Variants in SQOR observed in about 807,000 individuals in gnomAD.
SQOR encodes sulfide quinone oxidoreductase.
A neutral mutation model predicts 48.6 loss-of-function variants in SQOR; 39 were observed. That is an observed-to-expected ratio of 0.80 (90% CI 0.62 to 1.05). The LOEUF (loss-of-function observed/expected upper bound fraction) is 1.05. Ranked by LOEUF, SQOR falls within the 50% of genes least tolerant of loss-of-function variation. The pLI is 0.00. For synonymous variants in SQOR, 220 were observed against 206.2 expected (o/e 1.07, Z -0.57); for missense variants, 561 against 559.9 (o/e 1.00, Z -0.02).
chr15:45,679,158 C>T (rs930351281), intron 6 of SQOR, among the ~76,000 whole-genome samples: 10 of 151,984 alleles, frequency 6.6e-5, no homozygotes, highest in Admixed American at 5.2e-4. Flanking sequence ...TATTTGTGTC[C>T]CCTTTGAATT....
intron 4 of SQOR, among the ~76,000 whole-genome samples, chr15:45,671,052 A>C (rs957715612): frequency 2.6e-5 from 4 of 152,256 alleles, no homozygotes; most frequent in Non-Finnish European, 2.9e-5. Context: ...GCCAGTGCTC[A>C]GAGTTCATAG....
chr15:45,659,533 G>A (rs1338219573), intron 2 of SQOR, among the ~76,000 whole-genome samples: 1 of 152,126 alleles, frequency 6.6e-6, no homozygotes, highest in Non-Finnish European at 1.5e-5. Context: ...TGGGTGAGAG[G>A]GATGGGCAGG....
chr15:45,690,249 A>T (rs1350508841), intron 9 of SQOR, among the ~76,000 whole-genome samples: 1 of 152,050 alleles, frequency 6.6e-6, no homozygotes, highest in Non-Finnish European at 1.5e-5. Context: ...TATTTTTAGT[A>T]GAGACAGGGT....
At chr15:45,669,356 G>T (rs1889897247) in intron 3 of SQOR, among the ~76,000 whole-genome samples, 1 of 151,978 alleles carries the variant, frequency 6.6e-6, no homozygotes, top group Middle Eastern at 3.4e-3. Flanking sequence ...CAGAGACAGG[G>T]TTTTGCCATG....
At chr15:45,683,900 GTTT>G (rs1309104067) in intron 7 of SQOR, among the ~76,000 whole-genome samples, 19 of 139,256 alleles carry the variant, frequency 1.4e-4, no homozygotes, top group African/African-American at 4.5e-4. Flanking sequence ...ATTTTTGTTT[GTTT>G]GTTTGTTTGT....
intron 3 of SQOR, among the ~76,000 whole-genome samples, chr15:45,664,729 G>A (rs924814271): frequency 1.3e-5 from 2 of 151,960 alleles, no homozygotes; most frequent in Non-Finnish European, 2.9e-5. Flanking sequence ...CATGACCCAC[G>A]ATCAAGTCAG....
chr15:45,634,531 T>C (rs1002535824), upstream of SQOR, among the ~76,000 whole-genome samples: 2 of 151,996 alleles, frequency 1.3e-5, no homozygotes, highest in South Asian at 2.1e-4. Context: ...AAGGAAGGGC[T>C]CCAGCGCACA....
chr15:45,672,156 A>T (rs767099243), intron 4 of SQOR, among the ~76,000 whole-genome samples: 196 of 152,074 alleles, frequency 1.3e-3, no homozygotes, highest in Non-Finnish European at 1.1e-3. Flanking sequence ...GGATAGTGAG[A>T]TTTGCTTTGG....
upstream of SQOR, among the ~76,000 whole-genome samples, chr15:45,633,693 CAAA>C (rs397854330): frequency 6.4e-5 from 5 of 77,538 alleles, no homozygotes; most frequent in South Asian, 4.1e-4. Flanking sequence ...GACTTCGCCT[CAAA>C]AAAAAAAAAA....
chr15:45,650,369 C>T lies in SQOR; in HGVS notation c.-17-8538C>T, dbSNP rs192649924. Among the ~76,000 whole-genome samples the T allele has an allele frequency of 1.2e-4, 18 of 152,300 alleles. No individual in the cohort carries two copies. The East Asian group carries it at 2.3e-3, about 20-fold the overall frequency. ...CGTGTCCGGAGTTTGTTCCTTCTAA[C>T]GTTCGAATGTGTTTGGAGTTTCTTT... On this transcript the variant is annotated intron_variant, in intron 1 of 9. Transcript: ENST00000260324.
chr15:45,648,174 T>A (rs1984773), intron 1 of SQOR, among the ~76,000 whole-genome samples: 2,621 of 152,164 alleles, frequency 0.017, 83 homozygotes, highest in African/African-American at 0.06. Context: ...TTTGTTTTTT[T>A]GTTTTTTTGT....
At chr15:45,655,681 C>CTTTTTTTTTT (rs60764234) in intron 1 of SQOR, among the ~76,000 whole-genome samples, 2 of 143,738 alleles carry the variant, frequency 1.4e-5, no homozygotes, top group Non-Finnish European at 3.0e-5. Flanking sequence ...GAAAGTATAT[C>CTTTTTTTTTT]TTTTTTTTTT....
At chr15:45,667,011 C>CCCCT (rs767904608) in intron 3 of SQOR, among the ~76,000 whole-genome samples, 1,600 of 20,790 alleles carry the variant, frequency 0.077, 198 homozygotes, top group East Asian at 0.27. Flanking sequence ...CTTCTCCTTC[C>CCCCT]CCCTCCCTCC....
intron 9 of SQOR, 150 bp from the exon 10 acceptor site, chr15:45,690,823 A>C: frequency 1.4e-6 from 1 of 734,388 alleles, no homozygotes; most frequent in Admixed American, 1.9e-5. Flanking sequence ...CCTCCTAGTC[A>C]TGGGATCTCT....
intron 6 of SQOR, among the ~76,000 whole-genome samples, chr15:45,679,262 G>A (rs893124190): frequency 6.6e-6 from 1 of 152,116 alleles, no homozygotes; most frequent in African/African-American, 2.4e-5. Context: ...CTTAACCCTG[G>A]CTACATATTA....
chr15:45,685,466 T>A (rs1890206537), intron 7 of SQOR, among the ~76,000 whole-genome samples: 1 of 152,198 alleles, frequency 6.6e-6, no homozygotes, highest in South Asian at 2.1e-4. Flanking sequence ...GATGCTCCTT[T>A]AATTACTCCC....
chr15:45,647,955 C>T (rs1430721432), intron 1 of SQOR, among the ~76,000 whole-genome samples: 1 of 152,138 alleles, frequency 6.6e-6, no homozygotes, highest in Non-Finnish European at 1.5e-5. Context: ...TTTCAGCCAA[C>T]AGGCATTTTT....
chr15:45,654,010 T>G (rs989977846), intron 1 of SQOR, among the ~76,000 whole-genome samples: 2 of 151,238 alleles, frequency 1.3e-5, no homozygotes, highest in African/African-American at 4.9e-5. Flanking sequence ...TAATCCCAGC[T>G]ACTCAGGAGG....
intron 1 of SQOR, among the ~76,000 whole-genome samples, chr15:45,651,197 T>C (rs1889479704): frequency 6.6e-6 from 1 of 152,162 alleles, no homozygotes; most frequent in Non-Finnish European, 1.5e-5. Context: ...GCGCAGCACC[T>C]GCGGGCCGGC....
Sources: allele counts gnomAD v4.1 joint callset (sites outside exome capture counted in the v4.1 genomes callset), GRCh38; gene constraint gnomAD v4.1.1; transcripts MANE v1.5; gene names NCBI Gene and HGNC (gene_info 2026-07-23, HGNC 2026-07-21).